The following KANK1 variants were observed in gnomAD, a reference collection of about 807,000 sequenced individuals.
The protein encoded by KANK1 is KN motif and ankyrin repeat domains 1.
Under a neutral mutation model 106.2 loss-of-function variants are expected in KANK1, and 109 were observed. The observed-to-expected ratio is 1.03, with a 90% confidence interval of 0.88 to 1.20. The LOEUF (loss-of-function observed/expected upper bound fraction) is 1.20, where lower values mean the gene tolerates loss of function less well. Among genes scored for constraint, KANK1 ranks in the 50% most tolerant of loss-of-function variants. KANK1 has a pLI of 0.00. For missense variants in KANK1, 2,399 were observed against 1,710.7 expected, an observed-to-expected ratio of 1.40 and a Z score of -7.10; for synonymous variants, 873 against 652.2, an observed-to-expected ratio of 1.34 and a Z score of -5.16.
chr9:675,615 G>T (rs62531169), intron 1 of KANK1, among the ~76,000 whole-genome samples: 19,861 of 151,716 alleles, frequency 0.13, 1,583 homozygotes, highest in Admixed American at 0.17. Flanking sequence ...TGAATATATT[G>T]CCCAATGTGG....
chr9:561,517 T>TTA (rs1025849483), intron 1 of KANK1, among the ~76,000 whole-genome samples: 37 of 152,340 alleles, frequency 2.4e-4, no homozygotes, highest in African/African-American at 8.7e-4. Context: ...GTGCATTTGT[T>TTA]GAGTTGTTTC....
chr9:607,399 C>G (rs931738195), intron 1 of KANK1, among the ~76,000 whole-genome samples: 7 of 146,974 alleles, frequency 4.8e-5, no homozygotes, highest in African/African-American at 1.8e-4. Context: ...GCAGGAGAAT[C>G]GCTTGAATCC....
chr9:733,761 C>A (rs1832939053), intron 6 of KANK1: 2 of 151,948 alleles, frequency 1.3e-5, no homozygotes, highest in African/African-American at 4.8e-5. Flanking sequence ...GACCCTGTCT[C>A]AGAAAAAAAG....
intron 1 of KANK1, among the ~76,000 whole-genome samples, chr9:528,957 G>C (rs1225381954): frequency 6.6e-6 from 1 of 151,910 alleles, no homozygotes; most frequent in Admixed American, 6.6e-5. Flanking sequence ...ATACCACCAC[G>C]TCCAGCTAAT....
chr9:527,822 A>AG (rs2059863802), intron 1 of KANK1, among the ~76,000 whole-genome samples: 1 of 151,368 alleles, frequency 6.6e-6, no homozygotes, highest in Non-Finnish European at 1.5e-5. Flanking sequence ...TTATTAAAAA[A>AG]AAAAAAATAG....
At chr9:504,961 G>C (rs1344274108) in intron 1 of KANK1, among the ~76,000 whole-genome samples, 2 of 139,804 alleles carry the variant, frequency 1.4e-5, no homozygotes, top group African/African-American at 5.9e-5. Context: ...GGGCGGTCCT[G>C]GGGGGGGGTC....
chr9:561,145 A>T (rs60638356), intron 1 of KANK1, among the ~76,000 whole-genome samples: 1 of 152,198 alleles, frequency 6.6e-6, no homozygotes, highest in Non-Finnish European at 1.5e-5. Context: ...TTGAAAGGCT[A>T]TCGGGGTGGA....
chr9:597,790 G>T (rs1013750182), intron 1 of KANK1, among the ~76,000 whole-genome samples: 4 of 150,854 alleles, frequency 2.7e-5, no homozygotes, highest in Admixed American at 6.6e-5. Flanking sequence ...CAGCCTCCTG[G>T]GTAGCTGGGA....
intron 1 of KANK1, among the ~76,000 whole-genome samples, chr9:557,205 A>C (rs3028135): frequency 0.21 from 31,305 of 148,486 alleles, 3,583 homozygotes; most frequent in African/African-American, 0.32. Context: ...AAAAAAAAAA[A>C]AAATTTATTC....
intron 1 of KANK1, among the ~76,000 whole-genome samples, chr9:600,874 C>CA (rs1563837734): frequency 6.6e-6 from 1 of 151,684 alleles, no homozygotes; most frequent in African/African-American, 2.4e-5. Flanking sequence ...GCTTTTTGTT[C>CA]TGGGATAACT....
intron 1 of KANK1, among the ~76,000 whole-genome samples, chr9:566,292 T>C (rs1817789759): frequency 6.6e-6 from 1 of 152,226 alleles, no homozygotes; most frequent in Admixed American, 6.5e-5. Context: ...ATGTCTTTGC[T>C]ATTGTGAATA....
At chr9:715,932 G>A (rs1827566133) in intron 3 of KANK1, among the ~76,000 whole-genome samples, 1 of 152,180 alleles carries the variant, frequency 6.6e-6, no homozygotes, top group African/African-American at 2.4e-5. Flanking sequence ...GAAGCTTTGA[G>A]AATCCAGGTG....
intron 1 of KANK1, among the ~76,000 whole-genome samples, chr9:557,428 G>T (rs2061665175): frequency 1.3e-5 from 2 of 152,056 alleles, no homozygotes; most frequent in South Asian, 2.1e-4. Flanking sequence ...ATGATAGAAG[G>T]TTTAAAAATT....
chr9:713,649 T>G (rs989876798), intron 3 of KANK1, among the ~76,000 whole-genome samples, 185 bp downstream of exon 3: 2 of 152,198 alleles, frequency 1.3e-5, no homozygotes, highest in African/African-American at 4.8e-5. Context: ...TGATGCTTAT[T>G]ATCTGGTAGC....
chr9:623,654 A>C (rs1393162043), intron 1 of KANK1, among the ~76,000 whole-genome samples: 1 of 152,100 alleles, frequency 6.6e-6, no homozygotes, highest in African/African-American at 2.4e-5. Flanking sequence ...GCTTGACATC[A>C]CTAATCATTA....
intron 1 of KANK1, among the ~76,000 whole-genome samples, chr9:562,042 CTTTTTTT>C (rs34419752): frequency 4.8e-5 from 5 of 104,926 alleles, no homozygotes; most frequent in South Asian, 3.2e-4. Context: ...ATTGCATTTT[CTTTTTTT>C]TTTTTTTTTT....
At position 612,609 on chromosome 9, in the gene KANK1, A is replaced by G. The variant is rs140316031; in HGVS notation, c.-83-64281A>G. On this transcript the variant is annotated intron_variant, in intron 1 of 11. Transcript: ENST00000382297. ...ATCATTTGGAATACATAGGTCAACT[A>G]TCTAGGAATGGGACAAAGTACAGAA... 2.7e-3 allele frequency among the ~76,000 whole-genome samples: 409 copies of G among 152,330 alleles called. 3 individuals carry two copies. The highest frequency in any genetic ancestry group is 9.3e-3 in the African/African-American group (386 of 41,570).
Position 738,267 on chromosome 9 carries a change from C to T in KANK1, c.3334-18C>T, listed in dbSNP as rs1349648200. The T allele has an allele frequency of 1.9e-6, 3 of 1,600,516 alleles. No individual in the cohort carries two copies. In the East Asian group the frequency reaches 6.7e-5, roughly 36 times the overall value. Reference sequence around the variant, plus strand: ...GTCTATAAATAGAAGAACTAACGACCACTTGGTGTTTTGGCAGAGGTTCTG... The same window carrying T: ...GTCTATAAATAGAAGAACTAACGACTACTTGGTGTTTTGGCAGAGGTTCTG... On this transcript the variant is annotated intron_variant, in intron 7 of 11. Coordinates refer to ENST00000382297, the MANE Select transcript of KANK1 (RefSeq NM_015158.5).
intron 1 of KANK1, among the ~76,000 whole-genome samples, chr9:599,017 A>T (rs1315052097): frequency 1.2e-4 from 15 of 129,818 alleles, no homozygotes; most frequent in East Asian, 6.3e-4. Context: ...ATTTATTATT[A>T]TTATTTTTTT....
Sources: allele counts gnomAD v4.1 joint callset (sites outside exome capture counted in the v4.1 genomes callset), GRCh38; gene constraint gnomAD v4.1.1; transcripts MANE v1.5; gene names NCBI Gene and HGNC (gene_info 2026-07-23, HGNC 2026-07-21).